HACE1: variants seen among roughly 807,000 people sequenced by gnomAD.
HACE1 encodes the protein E3 ubiquitin-protein ligase HACE1.
HACE1 carries 73 observed loss-of-function variants against 118.4 expected under a neutral mutation model. The observed-to-expected ratio is 0.62, with a 90% CI of 0.51 to 0.75. The LOEUF (loss-of-function observed/expected upper bound fraction) is 0.75. Among genes scored for constraint, HACE1 ranks in the 30% least tolerant of loss-of-function variants. HACE1 has a pLI of 0.00. For synonymous variants in HACE1, 368 were observed against 374.8 expected (o/e 0.98, Z 0.21); for missense variants, 749 against 1,102.2 (o/e 0.68, Z 4.54).
At chr6:104,797,205 G>A (rs887209676) in intron 7 of HACE1, among the ~76,000 whole-genome samples, 180 bp from the exon 8 acceptor site, 3 of 151,984 alleles carry the variant, frequency 2.0e-5, no homozygotes, top group East Asian at 1.9e-4. Context: ...CTTTCACTAC[G>A]TAGACCAGAA....
chr6:104,852,105 T>C (rs1051876276), intron 2 of HACE1, among the ~76,000 whole-genome samples: 1 of 152,222 alleles, frequency 6.6e-6, no homozygotes, highest in Non-Finnish European at 1.5e-5. Context: ...ACAGCTCATA[T>C]AGATCTTGGA....
At chr6:104,761,087 T>C (rs551288668) in intron 19 of HACE1, among the ~76,000 whole-genome samples, 51 of 152,280 alleles carry the variant, frequency 3.3e-4, no homozygotes, top group Admixed American at 7.2e-4. Context: ...TGCTTATGGA[T>C]AGGAAGAAGC....
chr6:104,856,206 T>C, intron 1 of HACE1, among the ~76,000 whole-genome samples: 1 of 152,188 alleles, frequency 6.6e-6, no homozygotes, highest in East Asian at 1.9e-4. Context: ...TTGCCATTTT[T>C]ATCACTACAG....
At chr6:104,748,501 C>T (rs960752144) in intron 20 of HACE1, among the ~76,000 whole-genome samples, 2 of 152,154 alleles carry the variant, frequency 1.3e-5, no homozygotes, top group African/African-American at 4.8e-5. Context: ...ACTGATGCAT[C>T]ACTTGAGAAA....
intron 20 of HACE1, among the ~76,000 whole-genome samples, chr6:104,747,911 T>C (rs1208773712): frequency 6.6e-6 from 1 of 151,996 alleles, no homozygotes; most frequent in Non-Finnish European, 1.5e-5. Flanking sequence ...CAAGACAAAC[T>C]AGGAACCTGA....
chr6:104,731,794 A>G (rs11965095), intron 22 of HACE1: 1 of 152,076 alleles, frequency 6.6e-6, no homozygotes, highest in Non-Finnish European at 1.5e-5. Flanking sequence ...GAAAAGTTTC[A>G]TAATACTGGA....
chr6:104,845,423 T>G (rs181664877), intron 4 of HACE1, among the ~76,000 whole-genome samples: 1 of 152,028 alleles, frequency 6.6e-6, no homozygotes, highest in Admixed American at 6.6e-5. Context: ...TAAATATCAC[T>G]TAAAATTAGC....
intron 17 of HACE1, among the ~76,000 whole-genome samples, chr6:104,775,910 CA>C (rs1457422553): frequency 2.6e-4 from 39 of 150,814 alleles, no homozygotes; most frequent in Admixed American, 2.0e-4. Context: ...AGAATGTAAA[CA>C]TTTGGGGAGA....
At chr6:104,828,949 C>A in intron 6 of HACE1, among the ~76,000 whole-genome samples, 1 of 152,044 alleles carries the variant, frequency 6.6e-6, no homozygotes, top group East Asian at 1.9e-4. Context: ...CTCAGATTTA[C>A]TCTAAAATGA....
At chr6:104,817,502 A>G (rs981311995) in intron 6 of HACE1, among the ~76,000 whole-genome samples, 2 of 152,184 alleles carry the variant, frequency 1.3e-5, no homozygotes, top group Non-Finnish European at 2.9e-5. Flanking sequence ...TTTCCTGTTA[A>G]GCCTGCAGAA....
intron 1 of HACE1, among the ~76,000 whole-genome samples, chr6:104,853,689 T>C (rs1776455694): frequency 6.6e-6 from 1 of 152,144 alleles, no homozygotes; most frequent in Non-Finnish European, 1.5e-5. Flanking sequence ...GCAGACACTA[T>C]CTTAATCAAC....
chr6:104,844,899 G>A (rs1233378754), intron 4 of HACE1, among the ~76,000 whole-genome samples: 1 of 149,604 alleles, frequency 6.7e-6, no homozygotes, highest in African/African-American at 2.5e-5. Context: ...CCTGATCTCA[G>A]GCAATCCGCC....
At chr6:104,811,897 A>G (rs1036978409) in intron 6 of HACE1, among the ~76,000 whole-genome samples, 19 of 152,166 alleles carry the variant, frequency 1.2e-4, no homozygotes, top group Non-Finnish European at 2.5e-4. Flanking sequence ...AGTCAAGAGC[A>G]TAATTATTAA....
chr6:104,765,858 G>A (rs1033934023), intron 19 of HACE1, among the ~76,000 whole-genome samples: 11 of 152,234 alleles, frequency 7.2e-5, no homozygotes, highest in South Asian at 6.2e-4. Context: ...GGCACAGAAC[G>A]TCAACAGTTT....
Position 104,785,106 on chromosome 6 carries a change from C to A in HACE1, c.1288G>T (p.Ala430Ser). 1 of 1,613,770 alleles carries A rather than the reference C, an allele frequency of 6.2e-7. No homozygotes were observed. The highest frequency in any genetic ancestry group is 8.5e-7 in the Non-Finnish European group (1 of 1,179,740). ...CTGGCTTCCTGTCTCCCTGCAAGAG[C>A]ATCTGGTTTAGATTCCCTTGTGCCA... Reference protein sequence around the residue: ...STGTRESKPDALAGRQEASAD... With the variant: ...STGTRESKPDSLAGRQEASAD... Residue 430 changes from alanine (A) to serine (S), a missense_variant, in exon 12 of 24, where the codon GCT becomes TCT. This residue lies in a region of HACE1 where 267 missense variants were observed against 312.2 expected (regional missense o/e 0.86). Coordinates refer to ENST00000262903, the MANE Select transcript of HACE1 (RefSeq NM_020771.4).
chr6:104,821,386 T>C (rs963006420), intron 6 of HACE1, among the ~76,000 whole-genome samples: 3 of 152,162 alleles, frequency 2.0e-5, no homozygotes, highest in Non-Finnish European at 2.9e-5. Context: ...AACTCTCAAC[T>C]GGCTCAGGAG....
intron 18 of HACE1, 28 bp downstream of exon 18, chr6:104,771,897 G>C: frequency 6.9e-7 from 1 of 1,455,014 alleles, no homozygotes; most frequent in Non-Finnish European, 9.6e-7. Flanking sequence ...ATAAATAAAT[G>C]TCTGCAGAAA....
intron 7 of HACE1, among the ~76,000 whole-genome samples, chr6:104,809,102 A>G (rs2114959020): frequency 6.6e-6 from 1 of 152,316 alleles, no homozygotes; most frequent in East Asian, 1.9e-4. Flanking sequence ...TTTTTATAAG[A>G]TATTTTTCAT....
Position 104,844,643 on chromosome 6 carries a change from A to C in HACE1, c.327-1345T>G, listed in dbSNP as rs957458230. Among the ~76,000 whole-genome samples the C allele has an allele frequency of 3.6e-5, 5 of 137,728 alleles. No homozygotes were observed. The East Asian group carries it at 6.5e-4, about 18-fold the overall frequency. The allele number at this position is 137,728 out of a possible 152,430, so 90.4% of individuals were successfully genotyped here. A position where few individuals can be genotyped will look rare whatever the true frequency, so the allele number is the denominator to read the frequency against. ...TGGGATTACAGGCGTGAGCCACTGCACCCAGCCTCCATCACAACCTTTTTT... is the reference window on the plus strand; with the variant it reads ...TGGGATTACAGGCGTGAGCCACTGCCCCCAGCCTCCATCACAACCTTTTTT... On this transcript the variant is annotated intron_variant, in intron 4 of 23. Transcript: ENST00000262903.
Sources: allele counts gnomAD v4.1 joint callset (sites outside exome capture counted in the v4.1 genomes callset), GRCh38; gene constraint gnomAD v4.1.1; regional missense constraint gnomAD v4.1.1; transcripts MANE v1.5; gene names NCBI Gene and HGNC (gene_info 2026-07-23, HGNC 2026-07-21).